Variants in COL25A1 observed in about 807,000 individuals in gnomAD.
The protein encoded by COL25A1 is collagen type XXV alpha 1 chain.
COL25A1 carries 103 observed loss-of-function variants against 128.4 expected under a neutral mutation model. That is an observed-to-expected ratio of 0.80 (90% confidence interval 0.68 to 0.94). COL25A1 has a LOEUF of 0.94. Ranked by LOEUF, COL25A1 falls within the 40% of genes least tolerant of loss-of-function variation. The probability of loss-of-function intolerance (pLI) is 0.00; values close to 1 mark genes in which losing one functional copy is unlikely to be tolerated. For missense variants in COL25A1, 745 were observed against 840.0 expected (o/e 0.89, Z 1.40); for synonymous variants, 279 against 277.2 (o/e 1.01, Z -0.06).
At chr4:108,920,299 T>G (rs2125899279) in intron 12 of COL25A1, among the ~76,000 whole-genome samples, 1 of 152,350 alleles carries the variant, frequency 6.6e-6, no homozygotes, top group Non-Finnish European at 1.5e-5. Flanking sequence ...TTTTAAATTT[T>G]GTCATGTTTT....
chr4:109,277,391 A>C (rs1175083396), intron 3 of COL25A1, among the ~76,000 whole-genome samples: 1 of 152,192 alleles, frequency 6.6e-6, no homozygotes, highest in Middle Eastern at 3.2e-3. Context: ...GCTTCAAGTA[A>C]TTAGCCTGGT....
At chr4:108,934,139 G>T (rs1005722912) in intron 11 of COL25A1, among the ~76,000 whole-genome samples, 2 of 152,082 alleles carry the variant, frequency 1.3e-5, no homozygotes, top group Non-Finnish European at 2.9e-5. Context: ...ATACACCATG[G>T]AATACTATGC....
At chr4:109,245,599 G>T (rs549164409) in intron 3 of COL25A1, among the ~76,000 whole-genome samples, 14 of 152,254 alleles carry the variant, frequency 9.2e-5, no homozygotes, top group Admixed American at 8.5e-4. Flanking sequence ...ATGAATACCT[G>T]CTATGAACCA....
chr4:109,064,491 T>C (rs1297412550), intron 3 of COL25A1, among the ~76,000 whole-genome samples: 1 of 152,126 alleles, frequency 6.6e-6, no homozygotes, highest in Non-Finnish European at 1.5e-5. Context: ...CCTACTAAGG[T>C]TGTTTGTATC....
chr4:109,299,031 A>G (rs1725255612), intron 3 of COL25A1, among the ~76,000 whole-genome samples: 1 of 152,224 alleles, frequency 6.6e-6, no homozygotes, highest in Non-Finnish European at 1.5e-5. Flanking sequence ...ATTAAACATC[A>G]CGAAACAATT....
chr4:109,039,014 A>G (rs1759614368), intron 5 of COL25A1, among the ~76,000 whole-genome samples: 1 of 151,552 alleles, frequency 6.6e-6, no homozygotes, highest in South Asian at 2.1e-4. Context: ...AGCCACCTCC[A>G]CTTCTATCTC....
intron 3 of COL25A1, among the ~76,000 whole-genome samples, chr4:109,065,639 T>A (rs1208633538): frequency 6.6e-6 from 1 of 151,584 alleles, no homozygotes; most frequent in African/African-American, 2.4e-5. Flanking sequence ...TACTATCCCT[T>A]ACTTTTATTC....
chr4:108,811,364 T>C lies in COL25A1; in HGVS notation c.*2563A>G, dbSNP rs552376208. ...TAAGTTGATGTTGTCAAATCAGTTATAGAGCAAAAACTCAATATACACACA... is the reference window on the plus strand; with the variant it reads ...TAAGTTGATGTTGTCAAATCAGTTACAGAGCAAAAACTCAATATACACACA... On this transcript the variant is annotated 3_prime_UTR_variant, in exon 38 of 38. Coordinates refer to ENST00000399132, the MANE Select transcript of COL25A1 (RefSeq NM_198721.4). 2.0e-5 allele frequency: 3 copies of C among 152,234 alleles called. No homozygotes were observed. Among genetic ancestry groups the C allele is most frequent in the South Asian group, 2.1e-4 (1 of 4,834 alleles). 9.4% of individuals were successfully genotyped at this position (152,234 alleles called of 1,614,324 possible). A position where few individuals can be genotyped will look rare whatever the true frequency, so the allele number is the denominator to read the frequency against.
At chr4:109,035,497 A>G (rs2125920290) in intron 5 of COL25A1, among the ~76,000 whole-genome samples, 1 of 152,346 alleles carries the variant, frequency 6.6e-6, no homozygotes, top group Middle Eastern at 3.4e-3. Flanking sequence ...CTTTTAACAG[A>G]ACAGAAACCT....
At chr4:108,869,217 TAAATA>T (rs142515007) in intron 19 of COL25A1, 67 bp from the exon 20 acceptor site, 372,404 of 815,652 alleles carry the variant, frequency 0.46, 95,362 homozygotes, top group East Asian at 0.87. Flanking sequence ...AATAAATAAA[TAAATA>T]AAAACTAAAC....
chr4:109,223,537 T>C (rs1778571457), intron 3 of COL25A1, among the ~76,000 whole-genome samples: 1 of 151,846 alleles, frequency 6.6e-6, no homozygotes, highest in African/African-American at 2.4e-5. Flanking sequence ...CAAAACCAAG[T>C]CAGAAAAGAG....
intron 3 of COL25A1, among the ~76,000 whole-genome samples, chr4:109,089,896 C>T (rs539323298): frequency 3.9e-5 from 6 of 152,086 alleles, no homozygotes; most frequent in Middle Eastern, 3.4e-3. Context: ...TGAGCCACCA[C>T]GCCCAGCTAT....
intron 8 of COL25A1, 141 bp from the exon 9 acceptor site, chr4:108,941,578 T>C (rs138963739): frequency 5.2e-4 from 313 of 606,270 alleles, no homozygotes; most frequent in African/African-American, 3.5e-3. Context: ...CTGGCACTTA[T>C]GTCTAACATT....
At chr4:109,300,127 GGAAGT>G (rs774233042) in intron 3 of COL25A1, among the ~76,000 whole-genome samples, 1 of 151,238 alleles carries the variant, frequency 6.6e-6, no homozygotes, top group Admixed American at 6.6e-5. Context: ...CAGCAGGAAA[GGAAGT>G]GAAGGTGGTT....
intron 20 of COL25A1, among the ~76,000 whole-genome samples, chr4:108,865,063 A>T (rs974139854): frequency 7.2e-5 from 11 of 152,214 alleles, no homozygotes; most frequent in African/African-American, 2.4e-4. Flanking sequence ...GAATATTTTT[A>T]AAAACTTGCT....
At chr4:109,052,317 A>G (rs934517991) in intron 3 of COL25A1, among the ~76,000 whole-genome samples, 2 of 152,194 alleles carry the variant, frequency 1.3e-5, no homozygotes, top group African/African-American at 4.8e-5. Flanking sequence ...AGGTTTAAAG[A>G]AATGAATCAA....
At chr4:109,268,733 T>C (rs1578595529) in intron 3 of COL25A1, among the ~76,000 whole-genome samples, 1 of 152,134 alleles carries the variant, frequency 6.6e-6, no homozygotes, top group East Asian at 1.9e-4. Context: ...CAAATCGAGA[T>C]GCCTTGAGGC....
chr4:109,216,250 T>TAGGA (rs1245673042), intron 3 of COL25A1, among the ~76,000 whole-genome samples: 22 of 144,406 alleles, frequency 1.5e-4, no homozygotes, highest in Admixed American at 1.1e-3. Flanking sequence ...AATGGATGGA[T>TAGGA]AGGAAGGAAG....
intron 8 of COL25A1, among the ~76,000 whole-genome samples, chr4:108,973,715 G>C (rs1752142155): frequency 6.6e-6 from 1 of 152,162 alleles, no homozygotes; most frequent in South Asian, 2.1e-4. Context: ...TGGGTAATAA[G>C]GCACAGATGT....
Sources: allele counts gnomAD v4.1 joint callset (sites outside exome capture counted in the v4.1 genomes callset), GRCh38; gene constraint gnomAD v4.1.1; transcripts MANE v1.5; gene names NCBI Gene and HGNC (gene_info 2026-07-23, HGNC 2026-07-21).